Variants in EPHA3 observed in about 807,000 individuals in gnomAD.
EPHA3 encodes the protein EPH receptor A3.
EPHA3 carries 42 observed loss-of-function variants against 107.1 expected under a neutral mutation model. The observed-to-expected ratio is 0.39, with a 90% CI of 0.31 to 0.51. The LOEUF (loss-of-function observed/expected upper bound fraction) is 0.51. Ranked by LOEUF, EPHA3 falls within the 20% of genes least tolerant of loss-of-function variation. EPHA3 has a pLI of 0.78. For missense variants in EPHA3, 1,183 were observed against 1,211.2 expected (o/e 0.98, Z 0.35); for synonymous variants, 461 against 424.8 (o/e 1.09, Z -1.05).
At chr3:89,219,688 GTTTTTT>G (rs1553666928) in intron 3 of EPHA3, among the ~76,000 whole-genome samples, 2 of 34,440 alleles carry the variant, frequency 5.8e-5, no homozygotes, top group East Asian at 8.5e-4. Flanking sequence ...ATTTGGCAAT[GTTTTTT>G]TTTTTTTTGT....
chr3:89,166,163 T>C (rs768933247), intron 2 of EPHA3, among the ~76,000 whole-genome samples: 2 of 152,208 alleles, frequency 1.3e-5, no homozygotes, highest in Admixed American at 1.3e-4. Context: ...TAGTTTTCCC[T>C]GTTCCACCGT....
At chr3:89,420,165 A>G (rs1709328258) in intron 11 of EPHA3, among the ~76,000 whole-genome samples, 1 of 151,498 alleles carries the variant, frequency 6.6e-6, no homozygotes, top group South Asian at 2.1e-4. Flanking sequence ...TGAAATTGGC[A>G]GCAAACTTTT....
At chr3:89,220,090 T>A (rs1382269794) in intron 3 of EPHA3, among the ~76,000 whole-genome samples, 1 of 152,102 alleles carries the variant, frequency 6.6e-6, no homozygotes, top group African/African-American at 2.4e-5. Context: ...TGTTGCTAAA[T>A]ATCCTACAAT....
chr3:89,371,083 A>G (rs1248451705), intron 5 of EPHA3, among the ~76,000 whole-genome samples: 2 of 151,768 alleles, frequency 1.3e-5, no homozygotes, highest in Non-Finnish European at 3.0e-5. Context: ...CAAGGTAGTC[A>G]GGTTCTCTGG....
chr3:89,203,433 C>T (rs1051951087), intron 2 of EPHA3, among the ~76,000 whole-genome samples: 2 of 151,880 alleles, frequency 1.3e-5, no homozygotes, highest in African/African-American at 4.8e-5. Flanking sequence ...TGCAACAGAC[C>T]TGAGATCTCA....
intron 3 of EPHA3, among the ~76,000 whole-genome samples, chr3:89,233,964 G>T (rs1474256123): frequency 6.6e-6 from 1 of 152,140 alleles, no homozygotes; most frequent in Non-Finnish European, 1.5e-5. Context: ...ACCATTTTGG[G>T]CTTGCAGTTA....
At chr3:89,321,506 A>G (rs923229593) in intron 3 of EPHA3, among the ~76,000 whole-genome samples, 2 of 152,106 alleles carry the variant, frequency 1.3e-5, no homozygotes, top group African/African-American at 2.4e-5. Context: ...CACTTCCTTT[A>G]AATGTCTGCT....
rs1362762493 is a variant in EPHA3 at position 89,192,776 on chromosome 3, T to C, written c.154-17084T>C. Among the ~76,000 whole-genome samples the C allele has an allele frequency of 2.0e-5, 3 of 152,172 alleles. No homozygotes were observed. In the East Asian group the frequency reaches 5.8e-4, roughly 29 times the overall value. On this transcript the variant is annotated intron_variant, in intron 2 of 16. Transcript: ENST00000336596. ...TTAGGTGTCATAAAGCTCTAGAAGC[T>C]GAAGAATTCTCTGGAGACATGTAAT...
chr3:89,438,532 ACAGGAGC>A (rs902426079), intron 13 of EPHA3, among the ~76,000 whole-genome samples: 1 of 152,170 alleles, frequency 6.6e-6, no homozygotes, highest in Non-Finnish European at 1.5e-5. Flanking sequence ...ATAACAGAAA[ACAGGAGC>A]CTTTGTTCTG....
chr3:89,353,953 T>C (rs180792144), intron 5 of EPHA3, among the ~76,000 whole-genome samples: 1 of 151,246 alleles, frequency 6.6e-6, no homozygotes, highest in Non-Finnish European at 1.5e-5. Context: ...ACAACTTTCA[T>C]TCAAGAGTTT....
At chr3:89,151,577 C>A (rs1009111980) in intron 2 of EPHA3, among the ~76,000 whole-genome samples, 4 of 152,142 alleles carry the variant, frequency 2.6e-5, no homozygotes, top group Admixed American at 2.6e-4. Context: ...GGAGATGCCA[C>A]AGCACGTGCC....
chr3:89,460,572 A>G (rs1404426583), intron 15 of EPHA3, among the ~76,000 whole-genome samples: 2 of 149,990 alleles, frequency 1.3e-5, no homozygotes, highest in African/African-American at 4.9e-5. Flanking sequence ...ATAAACAAGT[A>G]TTAGTAAAAA....
chr3:89,231,242 T>C (rs1212126086), intron 3 of EPHA3, among the ~76,000 whole-genome samples: 2 of 152,288 alleles, frequency 1.3e-5, no homozygotes, highest in East Asian at 3.9e-4. Flanking sequence ...TTATTTATTA[T>C]ACAAAACATT....
At chr3:89,160,607 G>T (rs1704912732) in intron 2 of EPHA3, among the ~76,000 whole-genome samples, 1 of 146,984 alleles carries the variant, frequency 6.8e-6, no homozygotes, top group African/African-American at 2.5e-5. Context: ...TTCTTTTTCT[G>T]TGTGTATTTC....
intron 13 of EPHA3, among the ~76,000 whole-genome samples, chr3:89,436,216 C>T (rs1230641753): frequency 2.0e-5 from 3 of 152,014 alleles, no homozygotes; most frequent in African/African-American, 7.2e-5. Context: ...TGTTTGTCAA[C>T]CCAAAGCAAT....
chr3:89,444,480 A>G (rs935342060), intron 13 of EPHA3, among the ~76,000 whole-genome samples: 4 of 152,074 alleles, frequency 2.6e-5, no homozygotes, highest in Non-Finnish European at 4.4e-5. Context: ...GCCATAGAAT[A>G]AGATAATTTT....
intron 3 of EPHA3, among the ~76,000 whole-genome samples, chr3:89,213,536 A>G (rs1489772041): frequency 6.6e-6 from 1 of 152,018 alleles, no homozygotes; most frequent in Non-Finnish European, 1.5e-5. Context: ...CAGCCAGGCA[A>G]TAATAGATTC....
intron 3 of EPHA3, among the ~76,000 whole-genome samples, chr3:89,293,477 G>C (rs1173249190): frequency 3.9e-5 from 6 of 152,108 alleles, no homozygotes; most frequent in African/African-American, 1.2e-4. Context: ...TAGACTTTGT[G>C]CTCCATACAC....
intron 3 of EPHA3, among the ~76,000 whole-genome samples, chr3:89,244,299 T>C (rs1559616686): frequency 6.6e-6 from 1 of 152,090 alleles, no homozygotes. Flanking sequence ...TGTTATATTT[T>C]GTTTATGTTG....
Sources: gnomAD v4.1 joint callset for allele counts (sites outside exome capture counted in the v4.1 genomes callset) on GRCh38, gnomAD v4.1.1 for gene constraint, MANE v1.5 for transcripts, NCBI Gene and HGNC (gene_info 2026-07-23, HGNC 2026-07-21) for gene names.